RAB31: variants seen among roughly 807,000 people sequenced by gnomAD.
The protein encoded by RAB31 is RAB31, member RAS oncogene family.
A neutral mutation model predicts 25.6 loss-of-function variants in RAB31; 21 were observed. The ratio of observed to expected loss-of-function variants is 0.82; its 90% confidence interval spans 0.58 to 1.18. The LOEUF (loss-of-function observed/expected upper bound fraction) is 1.18. Among genes scored for constraint, RAB31 ranks in the 50% most tolerant of loss-of-function variants. RAB31 has a pLI of 0.00. For missense variants in RAB31, 196 were observed against 250.1 expected (o/e 0.78, Z 1.46); for synonymous variants, 87 against 84.0 (o/e 1.04, Z -0.20).
intron 1 of RAB31, among the ~76,000 whole-genome samples, chr18:9,749,862 A>G (rs1243893851): frequency 1.3e-5 from 2 of 152,226 alleles, no homozygotes; most frequent in Non-Finnish European, 2.9e-5. Context: ...ATGAGAGAGC[A>G]GCACACTGAG....
chr18:9,746,423 A>C (rs1395307005), intron 1 of RAB31, among the ~76,000 whole-genome samples: 1 of 145,144 alleles, frequency 6.9e-6, no homozygotes, highest in Non-Finnish European at 1.5e-5. Flanking sequence ...GCTGACTCTC[A>C]AATACATACA....
intron 1 of RAB31, among the ~76,000 whole-genome samples, chr18:9,722,550 C>T (rs1000500568): frequency 2.6e-5 from 4 of 152,156 alleles, no homozygotes; most frequent in Non-Finnish European, 5.9e-5. Context: ...TGTATTTAAT[C>T]AATGTATCTG....
intron 2 of RAB31, among the ~76,000 whole-genome samples, chr18:9,776,655 A>T (rs186570504): frequency 1.3e-5 from 2 of 152,348 alleles, no homozygotes; most frequent in Non-Finnish European, 2.9e-5. Flanking sequence ...AGAAGACAGA[A>T]GACCCCCGAG....
intron 1 of RAB31, among the ~76,000 whole-genome samples, chr18:9,761,233 A>G (rs961795276): frequency 6.6e-6 from 1 of 152,202 alleles, no homozygotes; most frequent in Non-Finnish European, 1.5e-5. Context: ...AATATTCAGA[A>G]TCAGTACTCG....
At chr18:9,753,904 G>C (rs967527347) in intron 1 of RAB31, among the ~76,000 whole-genome samples, 1 of 152,134 alleles carries the variant, frequency 6.6e-6, no homozygotes, top group African/African-American at 2.4e-5. Context: ...ATGAAGAAAA[G>C]GCATTGTTGA....
At chr18:9,761,885 G>T (rs2068290780) in intron 1 of RAB31, among the ~76,000 whole-genome samples, 1 of 152,188 alleles carries the variant, frequency 6.6e-6, no homozygotes, top group Admixed American at 6.5e-5. Context: ...TTGGCTCACT[G>T]CAACCTCTGC....
At chr18:9,764,519 C>T (rs11665156) in intron 1 of RAB31, among the ~76,000 whole-genome samples, 13,536 of 152,164 alleles carry the variant, frequency 0.089, 668 homozygotes, top group South Asian at 0.19. Flanking sequence ...GAGGATGAAG[C>T]CATCTCTCCT....
intron 5 of RAB31, among the ~76,000 whole-genome samples, chr18:9,844,406 G>T (rs2068749999): frequency 6.6e-6 from 1 of 152,236 alleles, no homozygotes; most frequent in East Asian, 1.9e-4. Context: ...TCCCATCCCA[G>T]AGTCTGACCT....
chr18:9,845,792 G>A lies in RAB31; in HGVS notation c.490+101G>A, dbSNP rs1436549321. 2.1e-6 allele frequency: 3 copies of A among 1,410,548 alleles called. No individual in the cohort carries two copies. The Admixed American group carries it at 9.5e-5, about 44-fold the overall frequency. 87.4% of individuals were successfully genotyped at this position (1,410,548 alleles called of 1,614,324 possible). ...ACTCTGAAGTGAACTTTTCCTCTGTGTGAATTTATCGGATGCCATGGATAC... is the reference window on the plus strand; with the variant it reads ...ACTCTGAAGTGAACTTTTCCTCTGTATGAATTTATCGGATGCCATGGATAC... On this transcript the variant is annotated intron_variant, in intron 6 of 6. Coordinates refer to ENST00000578921, the MANE Select transcript of RAB31 (RefSeq NM_006868.4).
Position 9,859,410 on chromosome 18 carries a change from G to A in RAB31, c.*85G>A. The stretch of plus-strand genomic sequence containing the variant: ...GAAGGACCCTACGCTCGGTGGCCTG[G>A]CACCTCACTTTGAGAAGAGTGAGCA... On this transcript the variant is annotated 3_prime_UTR_variant, in exon 7 of 7. Coordinates refer to ENST00000578921, the MANE Select transcript of RAB31 (RefSeq NM_006868.4). 4.1e-6 allele frequency: 5 copies of A among 1,214,250 alleles called. No individual in the cohort carries two copies. Among genetic ancestry groups the A allele is most frequent in the Non-Finnish European group, 4.7e-6 (4 of 849,136 alleles). The allele number at this position is 1,214,250 out of a possible 1,614,324, so 75.2% of individuals were successfully genotyped here.
At chr18:9,719,662 C>T (rs1251271590) in intron 1 of RAB31, among the ~76,000 whole-genome samples, 1 of 152,012 alleles carries the variant, frequency 6.6e-6, no homozygotes, top group Non-Finnish European at 1.5e-5. Context: ...CCTCACCATC[C>T]TGCCCTGTAT....
chr18:9,715,504 CT>C (rs1237543789), intron 1 of RAB31, among the ~76,000 whole-genome samples: 4 of 149,284 alleles, frequency 2.7e-5, no homozygotes, highest in Non-Finnish European at 5.9e-5. Context: ...CATTTTGTCA[CT>C]TGTCCTTTGT....
At chr18:9,719,772 C>T (rs912015516) in intron 1 of RAB31, among the ~76,000 whole-genome samples, 1 of 152,146 alleles carries the variant, frequency 6.6e-6, no homozygotes, top group South Asian at 2.1e-4. Flanking sequence ...CACGATGAGT[C>T]ATCAGCCCGA....
At chr18:9,716,551 G>A (rs1300570813) in intron 1 of RAB31, among the ~76,000 whole-genome samples, 1 of 152,112 alleles carries the variant, frequency 6.6e-6, no homozygotes, top group Non-Finnish European at 1.5e-5. Context: ...GCTGGCGGGG[G>A]TGACAATTGA....
chr18:9,843,704 T>C (rs1335124199), intron 5 of RAB31, among the ~76,000 whole-genome samples: 1 of 152,170 alleles, frequency 6.6e-6, no homozygotes, highest in Non-Finnish European at 1.5e-5. Flanking sequence ...TCTTGTCTGT[T>C]ACAAACAAGA....
intron 5 of RAB31, among the ~76,000 whole-genome samples, chr18:9,830,984 G>A (rs967762157): frequency 9.2e-5 from 14 of 152,148 alleles, no homozygotes; most frequent in Non-Finnish European, 1.6e-4. Context: ...GCTGTCATAC[G>A]TTGCGTGTCA....
chr18:9,745,340 G>A (rs1371853711), intron 1 of RAB31, among the ~76,000 whole-genome samples: 1 of 152,122 alleles, frequency 6.6e-6, no homozygotes. Flanking sequence ...GGACCAGATC[G>A]CTCTACTGGT....
At chr18:9,730,260 T>C (rs2068115967) in intron 1 of RAB31, among the ~76,000 whole-genome samples, 1 of 151,918 alleles carries the variant, frequency 6.6e-6, no homozygotes, top group African/African-American at 2.4e-5. Context: ...TCTTAGTATT[T>C]TACAAAGTCC....
At chr18:9,730,536 T>G (rs7242617) in intron 1 of RAB31, among the ~76,000 whole-genome samples, 1 of 152,018 alleles carries the variant, frequency 6.6e-6, no homozygotes, top group Non-Finnish European at 1.5e-5. Context: ...TGTTCCCCCA[T>G]GTTGGCCTCC....
Sources: allele counts gnomAD v4.1 joint callset (sites outside exome capture counted in the v4.1 genomes callset), GRCh38; gene constraint gnomAD v4.1.1; transcripts MANE v1.5; gene names NCBI Gene and HGNC (gene_info 2026-07-23, HGNC 2026-07-21).